The following S100PBP variants were observed in gnomAD, a reference collection of about 807,000 sequenced individuals.
S100PBP encodes the protein S100P binding protein.
In S100PBP, 15 loss-of-function variants were observed where a neutral mutation model predicts 39.9. The observed-to-expected ratio is 0.38, with a 90% CI of 0.25 to 0.58. The LOEUF is 0.58. Ranked by LOEUF, S100PBP falls within the 20% of genes least tolerant of loss-of-function variation. The pLI is 0.70. For missense variants in S100PBP, 504 were observed against 487.3 expected (o/e 1.03, Z -0.32); for synonymous variants, 178 against 180.3 (o/e 0.99, Z 0.10).
chr1:32,826,580 G>A lies in S100PBP; in HGVS notation c.481G>A (p.Asp161Asn). Residue 161 changes from aspartate to asparagine, a missense_variant, in exon 3 of 7, where the codon GAT (aspartate) becomes AAT (asparagine). Transcript: ENST00000373475. ...TCCAACAGTTTGTGATGCTCTGCTT[G>A]ATAAGGACGAGACTGATTCGTCCAA... ...FNPTVCDALL[D>N]KDETDSSKDT... 2 of 1,613,838 alleles carry A rather than the reference G, an allele frequency of 1.2e-6. No individual in the cohort carries two copies. Among genetic ancestry groups the A allele is most frequent in the South Asian group, 2.2e-5 (2 of 91,070 alleles).
intron 1 of S100PBP, chr1:32,824,890 G>A (rs1326045730): frequency 2.0e-5 from 3 of 146,416 alleles, no homozygotes; most frequent in African/African-American, 2.6e-5. Context: ...TAGATTTTTG[G>A]TGGAACCTTA....
intron 2 of S100PBP, among the ~76,000 whole-genome samples, 157 bp from the exon 3 acceptor site, chr1:32,825,941 T>C (rs1639301818): frequency 6.6e-6 from 1 of 152,242 alleles, no homozygotes; most frequent in Non-Finnish European, 1.5e-5. Flanking sequence ...TGTATTTCCA[T>C]GTTTCTGGTA....
intron 5 of S100PBP, chr1:32,836,343 G>C (rs1639817522): frequency 6.4e-6 from 1 of 156,766 alleles, no homozygotes; most frequent in African/African-American, 2.4e-5. Flanking sequence ...TGTTGGTCAG[G>C]CTGGTCTCGA....
chr1:32,829,803 TG>T (rs1639511586), intron 4 of S100PBP, among the ~76,000 whole-genome samples, 160 bp from the exon 5 acceptor site: 1 of 152,182 alleles, frequency 6.6e-6, no homozygotes, highest in Non-Finnish European at 1.5e-5. Flanking sequence ...TAGTTTTTTT[TG>T]TGTATGACTA....
chr1:32,829,330 C>G (rs1639483201), intron 4 of S100PBP, among the ~76,000 whole-genome samples: 1 of 152,218 alleles, frequency 6.6e-6, no homozygotes, highest in Admixed American at 6.5e-5. Flanking sequence ...TTTTCAGTTT[C>G]ACTCTAGAAA....
At chr1:32,854,990 C>A (rs1640766515) in intron 6 of S100PBP, among the ~76,000 whole-genome samples, 1 of 152,096 alleles carries the variant, frequency 6.6e-6, no homozygotes, top group South Asian at 2.1e-4. Flanking sequence ...CTTACCTATA[C>A]AAGGACTTAA....
intron 3 of S100PBP, 49 bp from the exon 4 acceptor site, chr1:32,827,944 T>G (rs1639413020): frequency 7.7e-7 from 1 of 1,305,284 alleles, no homozygotes; most frequent in African/African-American, 1.5e-5. Flanking sequence ...AGTGCTTTTC[T>G]TATAACTAAG....
chr1:32,851,502 C>A (rs1272238447), intron 5 of S100PBP, among the ~76,000 whole-genome samples: 2 of 151,932 alleles, frequency 1.3e-5, no homozygotes, highest in African/African-American at 2.4e-5. Flanking sequence ...CCTGTCTCTA[C>A]TAAAAATACA....
At chr1:32,831,029 A>G (rs1056785520) in intron 5 of S100PBP, among the ~76,000 whole-genome samples, 2 of 152,052 alleles carry the variant, frequency 1.3e-5, no homozygotes, top group Non-Finnish European at 2.9e-5. Context: ...GCAGTGAGCC[A>G]AGATCATGCC....
chr1:32,826,728 C>T lies in S100PBP; in HGVS notation c.629C>T (p.Pro210Leu). Reference sequence around the variant, plus strand: ...CCCAATAACTCTGCCTGGAATGGGCCCCAGCTCTCTTCTTCAAACAATAAC... The same window carrying T: ...CCCAATAACTCTGCCTGGAATGGGCTCCAGCTCTCTTCTTCAAACAATAAC... ...ISPNNSAWNGPQLSSSNNNFQ... is the reference protein window; with the variant it reads ...ISPNNSAWNGLQLSSSNNNFQ... Residue 210 changes from proline to leucine, a missense_variant, in exon 3 of 7, where the codon CCC becomes CTC. Transcript: ENST00000373475. The T allele has an allele frequency of 6.2e-7, 1 of 1,614,030 alleles. No individual in the cohort carries two copies. The highest frequency in any genetic ancestry group is 8.5e-7 in the Non-Finnish European group (1 of 1,180,004).
intron 6 of S100PBP, among the ~76,000 whole-genome samples, 169 bp downstream of exon 6, chr1:32,853,335 G>T (rs188087078): frequency 2.0e-5 from 3 of 151,230 alleles, no homozygotes; most frequent in African/African-American, 2.4e-5. Flanking sequence ...TTAGCTGGGT[G>T]TGGTGGCAAG....
chr1:32,816,577 G>A (rs1638740834), upstream of S100PBP, among the ~76,000 whole-genome samples: 2 of 152,104 alleles, frequency 1.3e-5, no homozygotes, highest in South Asian at 4.1e-4. Flanking sequence ...CTCCACTCCA[G>A]CTAAATTTGC....
chr1:32,826,877 C>T lies in S100PBP; in HGVS notation c.778C>T (p.His260Tyr), dbSNP rs762620839. 9 of 1,609,036 alleles carry T rather than the reference C, an allele frequency of 5.6e-6. No homozygotes were observed. In the Admixed American group the frequency reaches 1.0e-4, roughly 18 times the overall value. The change falls in exon 3 of 7, where the codon CAC becomes TAC. Residue 260 changes from histidine (H) to tyrosine (Y), a missense_variant. By Grantham distance (83) the His-to-Tyr change is moderately conservative. Coordinates refer to ENST00000373475, the MANE Select transcript of S100PBP (RefSeq NM_022753.4). ...MELSCRNGGS[H>Y]KSSCEMRSLV... is the part of the protein sequence containing the mutation. ...GTTATCCTGCAGAAATGGTGGTTCACACAAGTCAAGTTGTGAAATGAGATC... is the reference window on the plus strand; with the variant it reads ...GTTATCCTGCAGAAATGGTGGTTCATACAAGTCAAGTTGTGAAATGAGATC...
chr1:32,854,992 A>G (rs1054756462), intron 6 of S100PBP, among the ~76,000 whole-genome samples: 3 of 152,220 alleles, frequency 2.0e-5, no homozygotes, highest in African/African-American at 7.2e-5. Flanking sequence ...TACCTATACA[A>G]GGACTTAATG....
At chr1:32,844,320 G>A (rs1339698613) in intron 5 of S100PBP, among the ~76,000 whole-genome samples, 1 of 152,166 alleles carries the variant, frequency 6.6e-6, no homozygotes, top group East Asian at 1.9e-4. Flanking sequence ...CAAAGTGTTG[G>A]GGTTACAGGT....
intron 5 of S100PBP, chr1:32,847,585 C>G (rs1640434505): frequency 2.0e-5 from 3 of 152,140 alleles, no homozygotes; most frequent in Non-Finnish European, 4.4e-5. Flanking sequence ...TGAGGACATT[C>G]ATATATCATT....
intron 1 of S100PBP, among the ~76,000 whole-genome samples, chr1:32,819,581 A>T (rs1012038069): frequency 6.6e-6 from 1 of 152,184 alleles, no homozygotes; most frequent in Non-Finnish European, 1.5e-5. Flanking sequence ...AAAATAAAAT[A>T]AAAAAATAAA....
intron 1 of S100PBP, among the ~76,000 whole-genome samples, chr1:32,819,173 G>A (rs1638921338): frequency 6.6e-6 from 1 of 152,162 alleles, no homozygotes. Context: ...GTGGACAGGT[G>A]AGAGAGATGT....
At chr1:32,845,169 C>T (rs1398037977) in intron 5 of S100PBP, among the ~76,000 whole-genome samples, 1 of 152,012 alleles carries the variant, frequency 6.6e-6, no homozygotes, top group South Asian at 2.1e-4. Context: ...GGACTACAGG[C>T]GCCCGCCACC....
Sources: gnomAD v4.1 joint callset for allele counts (sites outside exome capture counted in the v4.1 genomes callset) on GRCh38, gnomAD v4.1.1 for gene constraint, MANE v1.5 for transcripts, NCBI Gene and HGNC (gene_info 2026-07-23, HGNC 2026-07-21) for gene names.